Variants in CAMK4 observed in about 807,000 individuals in gnomAD.
CAMK4 encodes calcium/calmodulin dependent protein kinase IV, also known as calcium/calmodulin-dependent protein kinase type IV.
In CAMK4, 22 loss-of-function variants were observed where a neutral mutation model predicts 44.9. That is an observed-to-expected ratio of 0.49 (90% CI 0.35 to 0.70). The LOEUF is 0.70. Ranked by LOEUF, CAMK4 falls within the 30% of genes least tolerant of loss-of-function variation. CAMK4 has a pLI of 0.01. For synonymous variants in CAMK4, 218 were observed against 215.4 expected, an observed-to-expected ratio of 1.01 and a Z score of -0.11; for missense variants, 498 against 586.8, an observed-to-expected ratio of 0.85 and a Z score of 1.56.
rs140612932 is a variant in CAMK4, at chr5:111,283,701, A to G, written c.161+59057A>G. ...TAGTTGTCCAAGTGTGCCATCAACA[A>G]TAACCTTTTTTTTCATTCTTAATCA... On this transcript the variant is annotated intron_variant, in intron 1 of 10. Coordinates refer to ENST00000282356, the MANE Select transcript of CAMK4 (RefSeq NM_001744.6). Among the ~76,000 whole-genome samples, 578 of 152,328 alleles carry G rather than the reference A, an allele frequency of 3.8e-3. 7 individuals are homozygous for G. Among genetic ancestry groups the G allele is most frequent in the African/African-American group, 0.013 (540 of 41,578 alleles).
intron 5 of CAMK4, among the ~76,000 whole-genome samples, chr5:111,405,167 T>C (rs1752373902): frequency 6.6e-6 from 1 of 152,100 alleles, no homozygotes; most frequent in Non-Finnish European, 1.5e-5. Flanking sequence ...TGTATCTGAA[T>C]TGGAGTTTAA....
intron 1 of CAMK4, among the ~76,000 whole-genome samples, chr5:111,311,933 A>G (rs1401874727): frequency 6.6e-6 from 1 of 152,144 alleles, no homozygotes; most frequent in East Asian, 1.9e-4. Flanking sequence ...TAGCTGCCAG[A>G]TCTCTTGGTA....
chr5:111,416,299 T>G (rs1196720980), intron 5 of CAMK4, among the ~76,000 whole-genome samples: 1 of 152,016 alleles, frequency 6.6e-6, no homozygotes, highest in African/African-American at 2.4e-5. Context: ...AGCAAAACCA[T>G]TAACAGTGGT....
At chr5:111,273,578 C>G (rs1750606175) in intron 1 of CAMK4, among the ~76,000 whole-genome samples, 1 of 148,528 alleles carries the variant, frequency 6.7e-6, no homozygotes. Context: ...ATAGATTTAC[C>G]AAAATTCCTC....
At chr5:111,224,204 G>A (rs926385595), upstream of CAMK4, 38 of 294,784 alleles carry the variant, frequency 1.3e-4, no homozygotes, top group Admixed American at 3.3e-4. This position sits in a 1 kb window ranked among gnomAD's most constrained non-coding sequence, Gnocchi z 5.7. Context: ...GGGTGAGGAG[G>A]GAAGGAGCGA....
chr5:111,424,232 A>G (rs1441124043), intron 5 of CAMK4, among the ~76,000 whole-genome samples: 1 of 152,156 alleles, frequency 6.6e-6, no homozygotes. Flanking sequence ...CATAGCAGGA[A>G]AAAAAGTCAT....
At chr5:111,251,601 A>G (rs1484886982) in intron 1 of CAMK4, among the ~76,000 whole-genome samples, 5 of 152,234 alleles carry the variant, frequency 3.3e-5, no homozygotes, top group Admixed American at 6.5e-5. Flanking sequence ...AAATACAGCT[A>G]TATGGATTTA....
chr5:111,374,807 G>A (rs115596105), intron 2 of CAMK4, 43 bp from the exon 3 acceptor site: 16 of 1,194,150 alleles, frequency 1.3e-5, no homozygotes, highest in Non-Finnish European at 2.0e-5. Flanking sequence ...TACAATGAAG[G>A]GGGGAGTTTC....
chr5:111,397,047 T>A (rs1479029308), intron 5 of CAMK4, among the ~76,000 whole-genome samples: 1 of 152,228 alleles, frequency 6.6e-6, no homozygotes, highest in East Asian at 1.9e-4. Flanking sequence ...TTTTCTTAAA[T>A]ACCCATTTTA....
intron 1 of CAMK4, among the ~76,000 whole-genome samples, chr5:111,293,849 C>G (rs188963695): frequency 3.4e-5 from 5 of 148,898 alleles, no homozygotes; most frequent in African/African-American, 1.0e-4. Context: ...CGGGTTCATG[C>G]CATTCTCCTG....
At chr5:111,391,125 C>A (rs1046724311) in intron 4 of CAMK4, among the ~76,000 whole-genome samples, 1 of 152,080 alleles carries the variant, frequency 6.6e-6, no homozygotes, top group Admixed American at 6.6e-5. Context: ...AAACAAAAAT[C>A]TAAAGTCCCT....
At position 111,484,823 on chromosome 5, in the gene CAMK4, T is replaced by C; in HGVS notation, c.*357T>C. 5.9e-6 allele frequency: 1 copy of C among 168,988 alleles called. No individual in the cohort carries two copies. The highest frequency in any genetic ancestry group is 1.3e-5 in the Non-Finnish European group (1 of 79,748). The allele number at this position is 168,988 out of a possible 1,614,324, so 10.5% of individuals were successfully genotyped here. ...AGCCATCCTACATCCTTTGGATTTC[T>C]TCACAAGGCAGTAATTCCTTTGAAC... On this transcript the variant is annotated 3_prime_UTR_variant, in exon 11 of 11. Transcript: ENST00000282356. The surrounding 1 kb of genome is among the most constrained non-coding windows in gnomAD (Gnocchi z 5.3).
Position 111,473,315 on chromosome 5 carries a change from T to G in CAMK4, c.630T>G (p.Pro210=). Residue 210 remains proline (P), a synonymous_variant, in exon 8 of 11, where the codon CCT becomes CCG. Transcript: ENST00000282356. ...CAATTTTCACTTTTTCTGCAGCACC[T>G]GAAATTCTTAGAGGTTGTGCCTATG... The part of the protein sequence containing the change: ...TVCGTPGYCA[P]EILRGCAYGP... 2 of 1,607,156 alleles carry G rather than the reference T, an allele frequency of 1.2e-6. No individual in the cohort carries two copies. Among genetic ancestry groups the G allele is most frequent in the Non-Finnish European group, 1.7e-6 (2 of 1,174,060 alleles).
At chr5:111,361,680 G>T (rs1381421248) in intron 2 of CAMK4, among the ~76,000 whole-genome samples, 1 of 151,986 alleles carries the variant, frequency 6.6e-6, no homozygotes, top group Non-Finnish European at 1.5e-5. Flanking sequence ...GTAAACATAT[G>T]AAATTGTCTT....
intron 1 of CAMK4, among the ~76,000 whole-genome samples, chr5:111,278,380 G>GT (rs5870437): frequency 0.26 from 40,163 of 151,826 alleles, 5,286 homozygotes; most frequent in South Asian, 0.42. Flanking sequence ...AGGCTTGTTT[G>GT]TTTTTTTTAC....
At chr5:111,243,243 G>T (rs1464679168) in intron 1 of CAMK4, among the ~76,000 whole-genome samples, 1 of 152,178 alleles carries the variant, frequency 6.6e-6, no homozygotes, top group African/African-American at 2.4e-5. Context: ...AAGGACAGTG[G>T]ATGGAAAATT....
chr5:111,235,028 A>G (rs1264003487), intron 1 of CAMK4, among the ~76,000 whole-genome samples: 2 of 152,226 alleles, frequency 1.3e-5, no homozygotes, highest in African/African-American at 2.4e-5. Context: ...ATGTCTCCCT[A>G]TTTTAGGTCT....
At chr5:111,309,020 C>T (rs1478204863) in intron 1 of CAMK4, among the ~76,000 whole-genome samples, 1 of 152,078 alleles carries the variant, frequency 6.6e-6, no homozygotes, top group African/African-American at 2.4e-5. Flanking sequence ...AACTACAATC[C>T]GTGGTCGAGA....
rs1554075794 is a variant in CAMK4 at position 111,486,515 on chromosome 5, A to ACACACAC, written c.*2050_*2056dup. The ACACACAC allele has an allele frequency of 6.6e-5, 8 of 122,018 alleles. No homozygotes were observed. Among genetic ancestry groups the ACACACAC allele is most frequent in the Non-Finnish European group, 1.1e-4 (6 of 56,948 alleles). 7.6% of individuals were successfully genotyped at this position (122,018 alleles called of 1,614,324 possible). A position where few individuals can be genotyped will look rare whatever the true frequency, so the allele number is the denominator to read the frequency against. On this transcript the variant is annotated 3_prime_UTR_variant, in exon 11 of 11. Coordinates refer to ENST00000282356, the MANE Select transcript of CAMK4 (RefSeq NM_001744.6). Reference sequence around the variant, plus strand: ...ATGAGACTGAAACACACACACACACACACACACACACACACACACACACAC... The same window carrying ACACACAC: ...ATGAGACTGAAACACACACACACACACACACACCACACACACACACACACACACACAC...
Sources: gnomAD v4.1 joint callset for allele counts (sites outside exome capture counted in the v4.1 genomes callset) on GRCh38, gnomAD v4.1.1 for gene constraint, Gnocchi (gnomAD v3.1) non-coding constraint, MANE v1.5 for transcripts, NCBI Gene and HGNC (gene_info 2026-07-23, HGNC 2026-07-21) for gene names.